MRTFB: variants seen among roughly 807,000 people sequenced by gnomAD.
MRTFB encodes myocardin-related transcription factor B.
Under a neutral mutation model 104.2 loss-of-function variants are expected in MRTFB, and 29 were observed. The ratio of observed to expected loss-of-function variants is 0.28; its 90% CI spans 0.21 to 0.38. The LOEUF (loss-of-function observed/expected upper bound fraction) is 0.38. Ranked by LOEUF, MRTFB falls within the 10% of genes least tolerant of loss-of-function variation. The probability of loss-of-function intolerance (pLI) is 1.00; values close to 1 mark genes in which losing one functional copy is unlikely to be tolerated. For synonymous variants in MRTFB, 535 were observed against 519.5 expected, an observed-to-expected ratio of 1.03 and a Z score of -0.41; for missense variants, 1,270 against 1,341.6, an observed-to-expected ratio of 0.95 and a Z score of 0.83.
the MRTFB span, among the ~76,000 whole-genome samples, chr16:14,026,671 G>C: frequency 6.6e-6 from 1 of 152,172 alleles, no homozygotes; most frequent in African/African-American, 2.4e-5. Flanking sequence ...CTTGAGTCTG[G>C]AATATACACA....
intron 8 of MRTFB, among the ~76,000 whole-genome samples, chr16:14,227,602 C>A (rs2042066736): frequency 6.6e-6 from 1 of 152,170 alleles, no homozygotes; most frequent in African/African-American, 2.4e-5. Flanking sequence ...ACCTCCACCT[C>A]CCAGGTTCAA....
At chr16:14,237,516 G>A (rs566463972) in intron 9 of MRTFB, among the ~76,000 whole-genome samples, 1 of 152,346 alleles carries the variant, frequency 6.6e-6, no homozygotes, top group East Asian at 1.9e-4. Flanking sequence ...AGCCTGAAAG[G>A]CAGAGCTGGA....
At chr16:14,200,777 G>T in intron 3 of MRTFB, 1 of 1,467,990 alleles carries the variant, frequency 6.8e-7, no homozygotes. Context: ...GGTGATACTT[G>T]CCTTCAGTGC....
intron 2 of MRTFB, among the ~76,000 whole-genome samples, chr16:14,129,911 C>G (rs1192917259): frequency 6.6e-6 from 1 of 152,180 alleles, no homozygotes; most frequent in Non-Finnish European, 1.5e-5. Context: ...TCACTGCAAC[C>G]TCTGCCTCCT....
intron 2 of MRTFB, among the ~76,000 whole-genome samples, chr16:14,083,998 G>A (rs532715004): frequency 6.6e-6 from 1 of 152,246 alleles, no homozygotes; most frequent in South Asian, 2.1e-4. Flanking sequence ...TCTTACTAAC[G>A]TGAAGAGTTT....
At position 14,218,156 on chromosome 16, in the gene MRTFB, T is replaced by A. The variant is rs571506355; in HGVS notation, c.515-664T>A. On this transcript the variant is annotated intron_variant, in intron 7 of 16. Transcript: ENST00000571589. ...CTCACTGTAAACTCTGCCTCCCGGG[T>A]TCATGCCATTCTCCTGCCTCAGCCT... Among the ~76,000 whole-genome samples, 11 of 152,102 alleles carry A rather than the reference T, an allele frequency of 7.2e-5. No homozygotes were observed. The East Asian group carries it at 1.9e-3, about 27-fold the overall frequency.
chr16:14,126,190 G>GT (rs927682853), intron 2 of MRTFB, among the ~76,000 whole-genome samples: 16 of 150,902 alleles, frequency 1.1e-4, no homozygotes, highest in African/African-American at 2.9e-4. Flanking sequence ...AAGCCAGAGG[G>GT]TTTTTTTTTC....
chr16:14,083,318 T>C (rs2034517065), intron 2 of MRTFB, among the ~76,000 whole-genome samples: 1 of 152,194 alleles, frequency 6.6e-6, no homozygotes, highest in African/African-American at 2.4e-5. Flanking sequence ...CAATTTTACT[T>C]CTTCCTTTCC....
chr16:14,256,194 CA>C (rs750556838), intron 15 of MRTFB, among the ~76,000 whole-genome samples: 1,428 of 77,614 alleles, frequency 0.018, 15 homozygotes, highest in Non-Finnish European at 0.024. Context: ...AACAGGATAA[CA>C]AAAAAAAAAA....
intron 2 of MRTFB, 109 bp from the exon 3 acceptor site, chr16:14,140,435 C>A: frequency 1.4e-6 from 1 of 704,770 alleles, no homozygotes; most frequent in Non-Finnish European, 2.3e-6. Flanking sequence ...TTAGTATGAC[C>A]ATACAGCAGT....
At chr16:14,045,631 A>G in the MRTFB span, among the ~76,000 whole-genome samples, 1 of 152,242 alleles carries the variant, frequency 6.6e-6, no homozygotes. Flanking sequence ...CCAGAATCCA[A>G]TTGCTTGGAT....
the MRTFB span, among the ~76,000 whole-genome samples, chr16:14,011,459 G>T: frequency 6.6e-6 from 1 of 152,190 alleles, no homozygotes; most frequent in Non-Finnish European, 1.5e-5. Context: ...CAGCTCAAGT[G>T]GGAAAGTTAG....
chr16:14,247,680 T>TTA (rs1360660619), intron 12 of MRTFB, 173 bp downstream of exon 12: 1 of 622,214 alleles, frequency 1.6e-6, no homozygotes, highest in African/African-American at 1.8e-5. Flanking sequence ...CTAGCACTGT[T>TTA]TTTATATAGT....
chr16:14,115,253 G>T (rs1472968604), intron 2 of MRTFB, among the ~76,000 whole-genome samples: 1 of 152,158 alleles, frequency 6.6e-6, no homozygotes, highest in Non-Finnish European at 1.5e-5. Flanking sequence ...TCAGGAGGAG[G>T]AATTATCAAC....
intron 3 of MRTFB, among the ~76,000 whole-genome samples, chr16:14,159,958 A>C (rs2142889445): frequency 6.7e-6 from 1 of 149,694 alleles, no homozygotes; most frequent in South Asian, 2.1e-4. Context: ...AAAAAGAATC[A>C]TTTACAAATA....
rs751301428 is a variant in MRTFB at position 14,247,193 on chromosome 16, C to T, written c.1933C>T (p.Pro645Ser). The T allele has an allele frequency of 1.2e-6, 2 of 1,614,178 alleles. No homozygotes were observed. The highest frequency in any genetic ancestry group is 1.7e-5 in the Admixed American group (1 of 60,022). ...CTCCATCAAAGATGAGGCCTCACTC[C>T]CTGACTGCTCCAGCTCCAGGCAGCC... Reference protein sequence around the residue: ...GSSIKDEASLPDCSSSRQPIP... With the variant: ...GSSIKDEASLSDCSSSRQPIP... Residue 645 changes from proline (P) to serine (S), a missense_variant, in exon 12 of 17, where the codon CCT becomes TCT. Around this residue, in one of 3 missense-constraint regions of MRTFB, gnomAD observed 1,144 missense variants for 1,131.5 expected, o/e 1.01. Coordinates refer to ENST00000571589, the MANE Select transcript of MRTFB (RefSeq NM_001308142.2).
chr16:14,029,842 T>C, the MRTFB span, among the ~76,000 whole-genome samples: 1 of 152,100 alleles, frequency 6.6e-6, no homozygotes, highest in African/African-American at 2.4e-5. Context: ...CCTCTGGGGA[T>C]GGCACAGAGA....
intron 8 of MRTFB, among the ~76,000 whole-genome samples, chr16:14,224,692 G>A (rs1725317971): frequency 6.6e-6 from 1 of 152,118 alleles, no homozygotes; most frequent in African/African-American, 2.4e-5. Context: ...TATTTAAAAT[G>A]GTGAAAGAAG....
chr16:14,121,836 C>T (rs145634425), intron 2 of MRTFB, among the ~76,000 whole-genome samples: 28 of 152,222 alleles, frequency 1.8e-4, no homozygotes, highest in African/African-American at 6.7e-4. Flanking sequence ...CCATATGTGG[C>T]CGTCAAGCCC....
Sources: gnomAD v4.1 joint callset for allele counts (sites outside exome capture counted in the v4.1 genomes callset) on GRCh38, gnomAD v4.1.1 for gene constraint, gnomAD v4.1.1 regional missense constraint, MANE v1.5 for transcripts, NCBI Gene and HGNC (gene_info 2026-07-23, HGNC 2026-07-21) for gene names.